FAT2: variants seen among roughly 807,000 people sequenced by gnomAD.
FAT2 encodes the protein protocadherin Fat 2.
Under a neutral mutation model 295.3 loss-of-function variants are expected in FAT2, and 150 were observed. That is an observed-to-expected ratio of 0.51 (90% confidence interval 0.44 to 0.58). The LOEUF is 0.58. Among genes scored for constraint, FAT2 ranks in the 20% least tolerant of loss-of-function variants. The pLI is 0.00. For synonymous variants in FAT2, 2,026 were observed against 2,150.3 expected (o/e 0.94, Z 1.60); for missense variants, 4,868 against 5,442.7 (o/e 0.89, Z 3.32).
intron 6 of FAT2, 115 bp from the exon 7 acceptor site, chr5:151,551,721 G>T: frequency 9.9e-7 from 1 of 1,011,000 alleles, no homozygotes; most frequent in Non-Finnish European, 1.4e-6. Flanking sequence ...CACAGTACAA[G>T]ATCTGAGTGA....
intron 9 of FAT2, among the ~76,000 whole-genome samples, chr5:151,547,423 T>TG (rs1251875708): frequency 6.6e-6 from 1 of 152,226 alleles, no homozygotes; most frequent in African/African-American, 2.4e-5. Context: ...GAGTAATACT[T>TG]GAATTGTTTT....
chr5:151,520,756 A>G (rs1753368745), intron 19 of FAT2, among the ~76,000 whole-genome samples: 1 of 152,236 alleles, frequency 6.6e-6, no homozygotes, highest in African/African-American at 2.4e-5. Context: ...CTAGGGTTTG[A>G]ACCTGAGCTG....
intron 1 of FAT2, among the ~76,000 whole-genome samples, chr5:151,583,340 T>A (rs898534236): frequency 3.9e-5 from 6 of 152,196 alleles, no homozygotes; most frequent in Non-Finnish European, 8.8e-5. Flanking sequence ...TTCAGTATGG[T>A]CATATAATGG....
intron 6 of FAT2, among the ~76,000 whole-genome samples, chr5:151,552,363 G>A (rs186434825): frequency 9.2e-5 from 14 of 152,222 alleles, no homozygotes; most frequent in South Asian, 4.2e-4. Flanking sequence ...CAAAACAGCC[G>A]TAAGCCAGAA....
intron 12 of FAT2, 93 bp downstream of exon 12, chr5:151,537,700 C>G (rs1755596278): frequency 7.8e-7 from 1 of 1,286,092 alleles, no homozygotes; most frequent in East Asian, 2.3e-5. Flanking sequence ...TGAGTGAATT[C>G]CTGTTTCTTC....
intron 4 of FAT2, among the ~76,000 whole-genome samples, chr5:151,554,967 C>T (rs1757557371): frequency 6.6e-6 from 1 of 152,194 alleles, no homozygotes; most frequent in Non-Finnish European, 1.5e-5. Context: ...AGACTACCTA[C>T]TTTTTACTTG....
At chr5:151,524,337 G>A (rs1443942983) in intron 18 of FAT2, among the ~76,000 whole-genome samples, 1 of 152,142 alleles carries the variant, frequency 6.6e-6, no homozygotes, top group Non-Finnish European at 1.5e-5. Context: ...CTCTATGTTT[G>A]TGTCCCCTCA....
chr5:151,526,250 T>G (rs551171032), intron 17 of FAT2, among the ~76,000 whole-genome samples: 5 of 152,320 alleles, frequency 3.3e-5, no homozygotes, highest in Non-Finnish European at 5.9e-5. Context: ...CTTTATTCTG[T>G]AGAGAGATGA....
intron 9 of FAT2, among the ~76,000 whole-genome samples, chr5:151,547,343 A>T (rs756979268): frequency 2.0e-5 from 3 of 152,336 alleles, no homozygotes; most frequent in South Asian, 4.1e-4. Flanking sequence ...TCTTCATTCT[A>T]TCAGGGAGCT....
At chr5:151,556,476 A>G in intron 3 of FAT2, 74 bp from the exon 4 acceptor site, 1 of 930,556 alleles carries the variant, frequency 1.1e-6, no homozygotes, top group South Asian at 1.5e-5. Context: ...AACTTCAAGA[A>G]TTACATTCAA....
chr5:151,532,996 G>A (rs1434483971), intron 13 of FAT2, among the ~76,000 whole-genome samples: 1 of 152,214 alleles, frequency 6.6e-6, no homozygotes, highest in South Asian at 2.1e-4. Flanking sequence ...ACAGAGAGAT[G>A]CTGGTCAAAC....
chr5:151,543,731 G>A lies in FAT2; in HGVS notation c.7396C>T (p.Pro2466Ser), dbSNP rs1561850627. The change falls in exon 10 of 24, where the codon CCT (proline) becomes TCT (serine). Residue 2466 changes from proline (P) to serine (S), a missense_variant. Coordinates refer to ENST00000261800, the MANE Select transcript of FAT2 (RefSeq NM_001447.3). ...ASDGVFRATV[P>S]VYINTTNANK... ...GCATTTGTAGTGTTGATGTACACAG[G>A]CACAGTTGCTCGGAAGACTCCATCA... 6.2e-7 allele frequency: 1 copy of A among 1,614,194 alleles called. No homozygotes were observed.
At chr5:151,542,153 G>T in intron 10 of FAT2, 132 bp downstream of exon 10, 1 of 767,746 alleles carries the variant, frequency 1.3e-6, no homozygotes, top group Non-Finnish European at 2.1e-6. Context: ...TGAGGTCCTA[G>T]GGGGTTAAGT....
intron 12 of FAT2, among the ~76,000 whole-genome samples, chr5:151,536,888 C>A (rs773300614): frequency 7.2e-5 from 11 of 152,200 alleles, no homozygotes; most frequent in Non-Finnish European, 1.6e-4. Flanking sequence ...TTTGTCCTCT[C>A]TCCTCCCTCT....
In FAT2 at chr5:151,531,898, C is replaced by T. The variant is rs757443047; in HGVS notation, c.9500G>A (p.Gly3167Glu). 6.2e-7 allele frequency: 1 copy of T among 1,614,202 alleles called. No individual in the cohort carries two copies. Among genetic ancestry groups the T allele is most frequent in the Non-Finnish European group, 8.5e-7 (1 of 1,180,034 alleles). Reference protein sequence around the residue: ...EGHFSIDATTGVIRLEKPLQV... With the variant: ...EGHFSIDATTEVIRLEKPLQV... Reference sequence around the variant, plus strand: ...CAGCGGCTTTTCCAGGCGGATCACCCCCGTGGTGGCGTCGATGGAAAAGTG... The same window carrying T: ...CAGCGGCTTTTCCAGGCGGATCACCTCCGTGGTGGCGTCGATGGAAAAGTG... Residue 3167 changes from glycine (G) to glutamate (E), a missense_variant, in exon 14 of 24, where the codon GGG becomes GAG. Physicochemically the swap from Gly to Glu is moderately conservative, Grantham distance 98. Coordinates refer to ENST00000261800, the MANE Select transcript of FAT2 (RefSeq NM_001447.3). The surrounding 1 kb of genome is among the most constrained non-coding windows in gnomAD (Gnocchi z 5.7).
intron 1 of FAT2, among the ~76,000 whole-genome samples, chr5:151,589,783 C>T (rs189652713): frequency 1.0e-3 from 152 of 152,168 alleles, no homozygotes; most frequent in South Asian, 2.3e-3. Context: ...TGTCTGTGGT[C>T]CTAGCTACCC....
At chr5:151,561,850 A>T (rs1385613322) in intron 3 of FAT2, among the ~76,000 whole-genome samples, 1 of 152,226 alleles carries the variant, frequency 6.6e-6, no homozygotes, top group African/African-American at 2.4e-5. Context: ...CTTCCTTTCA[A>T]CTGCAGGAAG....
chr5:151,531,145 G>C lies in FAT2; in HGVS notation c.9811+442C>G, dbSNP rs1383744833. On this transcript the variant is annotated intron_variant, in intron 14 of 23. Coordinates refer to ENST00000261800, the MANE Select transcript of FAT2 (RefSeq NM_001447.3). This position sits in a 1 kb window ranked among gnomAD's most constrained non-coding sequence, Gnocchi z 5.7. ...TTCAAGAGAATAAGGGAAAATTAAG[G>C]GGTGCCAGGATGTTTGGAGTGGATG... Among the ~76,000 whole-genome samples the C allele has an allele frequency of 6.6e-6, 1 of 152,142 alleles. No individual in the cohort carries two copies. The highest frequency in any genetic ancestry group is 1.9e-4 in the East Asian group (1 of 5,190).
intron 4 of FAT2, among the ~76,000 whole-genome samples, chr5:151,555,162 A>G (rs1270843722): frequency 6.6e-6 from 1 of 152,178 alleles, no homozygotes; most frequent in Non-Finnish European, 1.5e-5. Context: ...ACCAGTAGCT[A>G]TTTAATGCAG....
Sources: gnomAD v4.1 joint callset for allele counts (sites outside exome capture counted in the v4.1 genomes callset) on GRCh38, gnomAD v4.1.1 for gene constraint, Gnocchi (gnomAD v3.1) non-coding constraint, MANE v1.5 for transcripts, NCBI Gene and HGNC (gene_info 2026-07-23, HGNC 2026-07-21) for gene names.